BCLAF1: variants seen among roughly 807,000 people sequenced by gnomAD.
BCLAF1 encodes the protein bcl-2-associated transcription factor 1.
BCLAF1 carries 10 observed loss-of-function variants against 99.5 expected under a neutral mutation model. The ratio of observed to expected loss-of-function variants is 0.10; its 90% CI spans 0.06 to 0.17. The LOEUF (loss-of-function observed/expected upper bound fraction) is 0.17. BCLAF1 is among the 10% of genes least tolerant of loss of function. The pLI, the probability that BCLAF1 is intolerant of heterozygous loss-of-function variation, is 1.00. For missense variants in BCLAF1, 636 were observed against 1,105.8 expected (o/e 0.58, Z 6.02); for synonymous variants, 255 against 370.9 (o/e 0.69, Z 3.59).
Position 136,267,148 on chromosome 6 carries a change from T to G in BCLAF1, c.2425A>C (p.Arg809=). The change falls in exon 11 of 13, where the codon AGA becomes CGA. Residue 809 remains arginine (R), a synonymous_variant. Transcript: ENST00000531224. ...GTATTTGTCCCAGCAAAAACTCCTC[T>G]GGCTCTTCCTCTGCCTCTAATTCGA... ...FFRIRGRGRA[R]GVFAGTNTGP... 6 of 1,613,056 alleles carry G rather than the reference T, an allele frequency of 3.7e-6. No individual in the cohort carries two copies. Among genetic ancestry groups the G allele is most frequent in the Non-Finnish European group, 5.1e-6 (6 of 1,179,304 alleles).
Position 136,260,882 on chromosome 6 carries a change from T to TA in BCLAF1, c.*227dup, listed in dbSNP as rs1317481392. On this transcript the variant is annotated 3_prime_UTR_variant, in exon 13 of 13. Transcript: ENST00000531224. Reference sequence around the variant, plus strand: ...AAACGTTAAAAGTTTTAAAAGTTGATAGTTACAAATATGGTACGTAACAAT... The same window carrying TA: ...AAACGTTAAAAGTTTTAAAAGTTGATAAGTTACAAATATGGTACGTAACAAT... 4.2e-5 allele frequency: 21 copies of TA among 494,876 alleles called. No individual in the cohort carries two copies. Among genetic ancestry groups the TA allele is most frequent in the Non-Finnish European group, 6.1e-5 (17 of 279,516 alleles). 30.7% of individuals were successfully genotyped at this position (494,876 alleles called of 1,614,324 possible).
At chr6:136,276,759 C>A (rs563138413) in intron 4 of BCLAF1, among the ~76,000 whole-genome samples, 1 of 152,156 alleles carries the variant, frequency 6.6e-6, no homozygotes, top group Non-Finnish European at 1.5e-5. Flanking sequence ...AAAAACCTGT[C>A]CTATTTAGTC....
In BCLAF1 at chr6:136,278,179, T is replaced by A. The variant is rs759744686; in HGVS notation, c.702A>T (p.Thr234=). 1.2e-5 allele frequency: 19 copies of A among 1,613,648 alleles called. No individual in the cohort carries two copies. The highest frequency in any genetic ancestry group is 2.7e-5 in the African/African-American group (2 of 74,946). ...RSPHSPSPIA[T]PPSQSSSCSD... ...AGCAAGATGAACTCTGACTAGGTGG[T>A]GTAGCAATAGGTGAAGGACTATGGG... Residue 234 remains threonine (T), a synonymous_variant, in exon 4 of 13, where the codon ACA becomes ACT. Coordinates refer to ENST00000531224, the MANE Select transcript of BCLAF1 (RefSeq NM_014739.3).
chr6:136,279,718 T>G, intron 3 of BCLAF1, 45 bp downstream of exon 3: 1 of 1,466,334 alleles, frequency 6.8e-7, no homozygotes, highest in Non-Finnish European at 9.0e-7. Flanking sequence ...TCAACAAGTA[T>G]TAACTGATAT....
rs1780872722 is a variant in BCLAF1, at chr6:136,260,869, T to C, written c.*241A>G. On this transcript the variant is annotated 3_prime_UTR_variant, in exon 13 of 13. Coordinates refer to ENST00000531224, the MANE Select transcript of BCLAF1 (RefSeq NM_014739.3). The stretch of plus-strand genomic sequence containing the variant: ...ATGCATGTAACAAAAACGTTAAAAG[T>C]TTTAAAAGTTGATAGTTACAAATAT... The C allele has an allele frequency of 4.1e-6, 2 of 485,488 alleles. No individual in the cohort carries two copies. Among genetic ancestry groups the C allele is most frequent in the Admixed American group, 7.8e-5 (2 of 25,592 alleles). The allele number at this position is 485,488 out of a possible 1,614,324, so 30.1% of individuals were successfully genotyped here. A position where few individuals can be genotyped will look rare whatever the true frequency, so the allele number is the denominator to read the frequency against.
At chr6:136,284,130 G>GTATATA (rs60218804) in intron 1 of BCLAF1, among the ~76,000 whole-genome samples, 1,335 of 122,030 alleles carry the variant, frequency 0.011, 12 homozygotes, top group East Asian at 0.021. Flanking sequence ...GTGTGTGTGT[G>GTATATA]TATATATATA....
intron 1 of BCLAF1, among the ~76,000 whole-genome samples, chr6:136,286,664 TC>T (rs1470935437): frequency 6.6e-6 from 1 of 152,188 alleles, no homozygotes; most frequent in Non-Finnish European, 1.5e-5. Flanking sequence ...TAGAAGTCTT[TC>T]TAGACATGCT....
intron 8 of BCLAF1, 53 bp downstream of exon 8, chr6:136,271,942 A>G: frequency 1.5e-6 from 2 of 1,294,830 alleles, no homozygotes; most frequent in South Asian, 1.2e-5. Flanking sequence ...TTGGTACAAT[A>G]TCATTAACTA....
chr6:136,269,389 A>C, intron 9 of BCLAF1, 48 bp downstream of exon 9: 1 of 1,581,438 alleles, frequency 6.3e-7, no homozygotes. Flanking sequence ...ACAATTATTA[A>C]AGGCTAATTA....
chr6:136,288,261 C>T (rs1323294554), intron 1 of BCLAF1, among the ~76,000 whole-genome samples: 1 of 152,056 alleles, frequency 6.6e-6, no homozygotes, highest in Non-Finnish European at 1.5e-5. Flanking sequence ...CATGAGCTAC[C>T]TTTTTTAAGT....
intron 11 of BCLAF1, among the ~76,000 whole-genome samples, chr6:136,264,139 C>T (rs1781403469): frequency 6.6e-6 from 1 of 152,122 alleles, no homozygotes; most frequent in African/African-American, 2.4e-5. Flanking sequence ...AGTATTCATA[C>T]ATACAGAACA....
At chr6:136,281,200 C>A (rs1395082668) in intron 2 of BCLAF1, among the ~76,000 whole-genome samples, 1 of 152,174 alleles carries the variant, frequency 6.6e-6, no homozygotes, top group East Asian at 1.9e-4. Context: ...TCTCACTCTT[C>A]TTCTCAATCC....
intron 3 of BCLAF1, 112 bp downstream of exon 3, chr6:136,279,651 G>T: frequency 9.0e-7 from 1 of 1,114,092 alleles, no homozygotes; most frequent in South Asian, 3.6e-5. Context: ...CCATTTCACA[G>T]GGTTCTTTGA....
chr6:136,275,906 C>T lies in BCLAF1; in HGVS notation c.1619G>A (p.Ser540Asn), dbSNP rs972900802. The T allele has an allele frequency of 1.2e-6, 2 of 1,612,300 alleles. No individual in the cohort carries two copies. Among genetic ancestry groups the T allele is most frequent in the African/African-American group, 2.7e-5 (2 of 74,766 alleles). ...TTTGACTTCAGGACGGTGAGAATCA[C>T]TCGCTATCATTTTGATCCTAAGTGG... is the stretch of plus-strand genomic sequence containing the variant. The part of the protein sequence containing the change: ...ESPLRIKMIA[S>N]DSHRPEVKLK... The change falls in exon 5 of 13, where the codon AGT (serine) becomes AAT (asparagine). Residue 540 changes from serine (S) to asparagine (N), a missense_variant. By Grantham distance (46) the Ser-to-Asn change is conservative (BLOSUM62 1). This residue lies in a region of BCLAF1 where 20 missense variants were observed against 66.2 expected (regional missense o/e 0.30). Transcript: ENST00000531224.
intron 11 of BCLAF1, among the ~76,000 whole-genome samples, chr6:136,264,446 C>T (rs994795678): frequency 6.6e-6 from 1 of 152,092 alleles, no homozygotes; most frequent in African/African-American, 2.4e-5. Context: ...ACCTCATGAT[C>T]CACCTGTCTC....
Position 136,275,829 on chromosome 6 carries a change from C to T in BCLAF1, c.1682+14G>A. 3 of 1,603,382 alleles carry T rather than the reference C, an allele frequency of 1.9e-6. No homozygotes were observed. The highest frequency in any genetic ancestry group is 1.7e-6 in the Non-Finnish European group (2 of 1,174,580). On this transcript the variant is annotated intron_variant, in intron 5 of 12. Transcript: ENST00000531224. Reference sequence around the variant, plus strand: ...TGCCCACAGATTATTTACTGGGCATCAATATGGAATTACCTGTTAGAATCA... The same window carrying T: ...TGCCCACAGATTATTTACTGGGCATTAATATGGAATTACCTGTTAGAATCA...
At chr6:136,288,900 T>A (rs554665822) in intron 1 of BCLAF1, among the ~76,000 whole-genome samples, 1 of 152,184 alleles carries the variant, frequency 6.6e-6, no homozygotes, top group Non-Finnish European at 1.5e-5. Context: ...CTAGTACTCA[T>A]GAAGAACCGC....
chr6:136,271,522 G>A (rs1287265862), intron 8 of BCLAF1, among the ~76,000 whole-genome samples: 1 of 151,734 alleles, frequency 6.6e-6, no homozygotes, highest in East Asian at 1.9e-4. Flanking sequence ...TGTTCCAAAC[G>A]TTCATTTGTA....
Position 136,279,059 on chromosome 6 carries a change from A to G in BCLAF1, c.105-283T>C, listed in dbSNP as rs369280979. 1.3e-4 allele frequency among the ~76,000 whole-genome samples: 20 copies of G among 151,826 alleles called. No homozygotes were observed. In the South Asian group the frequency reaches 3.7e-3, roughly 28 times the overall value. ...TTATATATATCACATGCATTAGGAC[A>G]TATTAGCAAATTGTAGTACCTCTAG... On this transcript the variant is annotated intron_variant, in intron 3 of 12. Coordinates refer to ENST00000531224, the MANE Select transcript of BCLAF1 (RefSeq NM_014739.3).
Sources: gnomAD v4.1 joint callset for allele counts (sites outside exome capture counted in the v4.1 genomes callset) on GRCh38, gnomAD v4.1.1 for gene constraint, gnomAD v4.1.1 regional missense constraint, MANE v1.5 for transcripts, NCBI Gene and HGNC (gene_info 2026-07-23, HGNC 2026-07-21) for gene names.